Variants in AKAP11 observed in about 807,000 individuals in gnomAD.
The protein encoded by AKAP11 is A-kinase anchoring protein 11.
A neutral mutation model predicts 146.1 loss-of-function variants in AKAP11; 36 were observed. The ratio of observed to expected loss-of-function variants is 0.25; its 90% CI spans 0.19 to 0.33. The LOEUF is 0.33. Among genes scored for constraint, AKAP11 ranks in the 10% least tolerant of loss-of-function variants. The pLI is 1.00. For synonymous variants in AKAP11, 780 were observed against 786.5 expected, an observed-to-expected ratio of 0.99 and a Z score of 0.14; for missense variants, 2,201 against 2,197.0, an observed-to-expected ratio of 1.00 and a Z score of -0.04.
At chr13:42,273,308 G>GC (rs1391467812) in intron 1 of AKAP11, among the ~76,000 whole-genome samples, 1 of 151,618 alleles carries the variant, frequency 6.6e-6, no homozygotes, top group Admixed American at 6.6e-5. Context: ...TAGGATGGCA[G>GC]CCCAGTGCCT....
At position 42,300,553 on chromosome 13, in the gene AKAP11, C is replaced by T. The variant is rs776897575; in HGVS notation, c.1807C>T (p.Arg603Cys). The T allele has an allele frequency of 3.8e-5, 61 of 1,613,790 alleles. No homozygotes were observed. Among genetic ancestry groups the T allele is most frequent in the Non-Finnish European group, 4.6e-5 (54 of 1,179,908 alleles). Residue 603 changes from arginine (R) to cysteine (C), a missense_variant, in exon 8 of 13, where the codon CGT becomes TGT. Arg to Cys is a radical substitution (Grantham distance 180, BLOSUM62 -3). Transcript: ENST00000025301. Reference protein sequence around the residue: ...QMAFDELRRQRAFSLKERAIS... With the variant: ...QMAFDELRRQCAFSLKERAIS... ...GGCATTTGATGAGCTGAGAAGGCAGCGTGCATTTTCACTAAAAGAACGTGC... is the reference window on the plus strand; with the variant it reads ...GGCATTTGATGAGCTGAGAAGGCAGTGTGCATTTTCACTAAAAGAACGTGC...
chr13:42,308,754 C>A (rs1398452516), intron 9 of AKAP11, 145 bp downstream of exon 9: 2 of 692,982 alleles, frequency 2.9e-6, no homozygotes, highest in Non-Finnish European at 4.3e-6. Flanking sequence ...CAATGTATTT[C>A]TAATTGTTTT....
At chr13:42,310,302 G>T (rs1960489631) in intron 9 of AKAP11, among the ~76,000 whole-genome samples, 2 of 152,140 alleles carry the variant, frequency 1.3e-5, no homozygotes, top group Admixed American at 6.5e-5. Context: ...AAAAAGCGGG[G>T]CTCATCCAGG....
In AKAP11 at chr13:42,303,271, AAG is replaced by A; in HGVS notation, c.4526_4527del (p.Lys1509IlefsTer41). On this transcript the variant is annotated frameshift_variant, in exon 8 of 13. Transcript: ENST00000025301. LOFTEE classifies it high-confidence loss of function. ...NECHVTPELP[K>X]SLQPSSQNHR... Reference sequence around the variant, plus strand: ...GTGTCACGTTACACCAGAATTGCCTAAGTCTCTTCAGCCTTCCTCACAAAATC... The same window carrying A: ...GTGTCACGTTACACCAGAATTGCCTATCTCTTCAGCCTTCCTCACAAAATC... The A allele has an allele frequency of 6.2e-7, 1 of 1,613,488 alleles. No homozygotes were observed.
chr13:42,292,615 A>G, intron 4 of AKAP11, 114 bp downstream of exon 4: 2 of 579,056 alleles, frequency 3.5e-6, no homozygotes, highest in South Asian at 1.0e-4. Flanking sequence ...ATTTGTTGTT[A>G]CATGTATCAG....
chr13:42,287,191 G>T (rs1959173906), intron 3 of AKAP11, among the ~76,000 whole-genome samples: 1 of 152,166 alleles, frequency 6.6e-6, no homozygotes, highest in South Asian at 2.1e-4. Context: ...GCTAAAAGAT[G>T]TATAGGTTTG....
intron 3 of AKAP11, among the ~76,000 whole-genome samples, chr13:42,289,841 A>G (rs938917513): frequency 7.2e-5 from 11 of 152,182 alleles, no homozygotes; most frequent in African/African-American, 2.4e-4. Context: ...AAGGAAAACA[A>G]AATTGTTTAA....
rs763408168 is a variant in AKAP11, at chr13:42,317,567, T to C, written c.5444T>C (p.Ile1815Thr). The change falls in exon 12 of 13, where the codon ATT becomes ACT. Residue 1815 changes from isoleucine (I) to threonine (T), a missense_variant. Ile to Thr is a moderately conservative substitution (Grantham distance 89). Around this residue, in one of 3 missense-constraint regions of AKAP11, gnomAD observed 1,867 missense variants for 1,833.5 expected, o/e 1.02. Coordinates refer to ENST00000025301, the MANE Select transcript of AKAP11 (RefSeq NM_016248.4). Reference protein sequence around the residue: ...QDGKTLLITNIDMEPCTVDPQ... With the variant: ...QDGKTLLITNTDMEPCTVDPQ... ...GGAAAGACACTGCTAATTACGAATATTGACATGGAGCCATGCACGGTAGAC... is the reference window on the plus strand; with the variant it reads ...GGAAAGACACTGCTAATTACGAATACTGACATGGAGCCATGCACGGTAGAC... The C allele has an allele frequency of 3.7e-6, 6 of 1,614,082 alleles. No homozygotes were observed. Among genetic ancestry groups the C allele is most frequent in the East Asian group, 4.5e-5 (2 of 44,882 alleles).
rs1262753352 is a variant in AKAP11, at chr13:42,300,322, G to A, written c.1576G>A (p.Val526Ile). The A allele has an allele frequency of 1.9e-6, 3 of 1,610,998 alleles. No homozygotes were observed. Among genetic ancestry groups the A allele is most frequent in the Non-Finnish European group, 2.5e-6 (3 of 1,178,810 alleles). The change falls in exon 8 of 13, where the codon GTA (valine) becomes ATA (isoleucine). Residue 526 changes from valine (V) to isoleucine (I), a missense_variant. Transcript: ENST00000025301. ...TATTAAACATGGAGAAAATAAAACT[G>A]TAACTTTTAAGCATGGAAACCTTGA... is the stretch of plus-strand genomic sequence containing the variant. ...NSIKHGENKT[V>I]TFKHGNLDQK...
At chr13:42,292,891 T>TA (rs2138525725) in intron 4 of AKAP11, among the ~76,000 whole-genome samples, 2 of 152,324 alleles carry the variant, frequency 1.3e-5, no homozygotes, top group South Asian at 4.1e-4. Context: ...CTTGACTGTT[T>TA]AAATTCAGTG....
At position 42,302,785 on chromosome 13, in the gene AKAP11, G is replaced by C; in HGVS notation, c.4039G>C (p.Gly1347Arg). The part of the protein sequence containing the change: ...SCESVTDEYA[G>R]HLIQILKQEG... ...TGAAAGTGTGACAGATGAATATGCA[G>C]GTCACCTTATTCAGATACTAAAACA... Residue 1347 changes from glycine to arginine, a missense_variant, in exon 8 of 13, where the codon GGT becomes CGT. By Grantham distance (125) the Gly-to-Arg change is moderately radical (BLOSUM62 -2). Around this residue, in one of 3 missense-constraint regions of AKAP11, gnomAD observed 1,867 missense variants for 1,833.5 expected, o/e 1.02. Transcript: ENST00000025301. The C allele has an allele frequency of 6.2e-7, 1 of 1,614,030 alleles. No homozygotes were observed. Among genetic ancestry groups the C allele is most frequent in the Non-Finnish European group, 8.5e-7 (1 of 1,180,014 alleles).
chr13:42,305,816 C>T (rs1960224755), intron 8 of AKAP11, among the ~76,000 whole-genome samples: 1 of 152,174 alleles, frequency 6.6e-6, no homozygotes, highest in South Asian at 2.1e-4. Flanking sequence ...GTTTAATTGA[C>T]TCACAGTTCT....
chr13:42,313,454 G>T (rs1201889909), intron 10 of AKAP11, among the ~76,000 whole-genome samples: 1 of 151,916 alleles, frequency 6.6e-6, no homozygotes, highest in African/African-American at 2.4e-5. Context: ...TTTTATTTTT[G>T]TGTGTGATTT....
chr13:42,286,904 A>G (rs1959171211), intron 3 of AKAP11, among the ~76,000 whole-genome samples: 1 of 152,246 alleles, frequency 6.6e-6, no homozygotes, highest in Non-Finnish European at 1.5e-5. Context: ...GTCTTTGCTA[A>G]AACTTTGGAG....
chr13:42,313,193 T>G, intron 10 of AKAP11, 63 bp downstream of exon 10: 1 of 1,265,512 alleles, frequency 7.9e-7, no homozygotes, highest in Non-Finnish European at 1.1e-6. Flanking sequence ...TGATGTCATA[T>G]TCTTCAAAGA....
chr13:42,302,792 T>G lies in AKAP11; in HGVS notation c.4046T>G (p.Leu1349Arg). ...ESVTDEYAGH[L>R]IQILKQEGGN... is the part of the protein sequence containing the mutation. ...GTGACAGATGAATATGCAGGTCACC[T>G]TATTCAGATACTAAAACAGGAAGGT... The change falls in exon 8 of 13, where the codon CTT becomes CGT. Residue 1349 changes from leucine to arginine, a missense_variant. Coordinates refer to ENST00000025301, the MANE Select transcript of AKAP11 (RefSeq NM_016248.4). 1.2e-6 allele frequency: 2 copies of G among 1,614,104 alleles called. No individual in the cohort carries two copies. Among genetic ancestry groups the G allele is most frequent in the South Asian group, 2.2e-5 (2 of 91,058 alleles).
At chr13:42,308,428 T>C in intron 8 of AKAP11, 26 bp from the exon 9 acceptor site, 1 of 1,538,410 alleles carries the variant, frequency 6.5e-7, no homozygotes, top group Non-Finnish European at 8.8e-7. Flanking sequence ...TCAATTTGAT[T>C]TTTTTTCTTT....
intron 1 of AKAP11, among the ~76,000 whole-genome samples, chr13:42,285,210 G>A (rs955628801): frequency 1.3e-5 from 2 of 152,004 alleles, no homozygotes; most frequent in Non-Finnish European, 2.9e-5. Flanking sequence ...TTCATTTTTT[G>A]TCTTTTTGTT....
Position 42,319,110 on chromosome 13 carries a change from A to C in AKAP11, c.5588A>C (p.Lys1863Thr). The C allele has an allele frequency of 1.2e-6, 2 of 1,613,918 alleles. No individual in the cohort carries two copies. Among genetic ancestry groups the C allele is most frequent in the East Asian group, 4.5e-5 (2 of 44,870 alleles). The change falls in exon 13 of 13, where the codon AAA (lysine) becomes ACA (threonine). Residue 1863 changes from lysine (K) to threonine (T), a missense_variant. Transcript: ENST00000025301. ...TAGCTTTCAAAACAATTACAAGAGAAAGGATGGAAAGTGGGAGACCTCCTG... is the reference window on the plus strand; with the variant it reads ...TAGCTTTCAAAACAATTACAAGAGACAGGATGGAAAGTGGGAGACCTCCTG... ...FMLLSKQLQEKGWKVGDLLQA... is the reference protein window; with the variant it reads ...FMLLSKQLQETGWKVGDLLQA...
Sources: gnomAD v4.1 joint callset for allele counts (sites outside exome capture counted in the v4.1 genomes callset) on GRCh38, gnomAD v4.1.1 for gene constraint, gnomAD v4.1.1 regional missense constraint, MANE v1.5 for transcripts, NCBI Gene and HGNC (gene_info 2026-07-23, HGNC 2026-07-21) for gene names.